Variants in TRIM71 observed in about 807,000 individuals in gnomAD.
TRIM71 encodes the protein tripartite motif containing 71.
In TRIM71, 9 loss-of-function variants were observed where a neutral mutation model predicts 61.2. The ratio of observed to expected loss-of-function variants is 0.15; its 90% CI spans 0.09 to 0.26. The LOEUF (loss-of-function observed/expected upper bound fraction) is 0.26, where lower values mean the gene tolerates loss of function less well. TRIM71 is among the 10% of genes least tolerant of loss of function. The pLI is 1.00. For synonymous variants in TRIM71, 645 were observed against 553.2 expected (o/e 1.17, Z -2.33); for missense variants, 998 against 1,238.7 (o/e 0.81, Z 2.92).
intron 1 of TRIM71, among the ~76,000 whole-genome samples, chr3:32,829,626 T>TTGTGCG (rs1553643446): frequency 6.7e-6 from 1 of 148,680 alleles, no homozygotes; most frequent in Non-Finnish European, 1.5e-5. Flanking sequence ...TGTCATGGTA[T>TTGTGCG]TGTGTGTGTG....
At chr3:32,840,386 C>G (rs747289408) in intron 1 of TRIM71, among the ~76,000 whole-genome samples, 30 of 152,190 alleles carry the variant, frequency 2.0e-4, no homozygotes, top group African/African-American at 7.2e-4. Flanking sequence ...ACAGTAAAAG[C>G]CAGTACATAA....
chr3:32,867,433 G>C (rs1279293930), intron 1 of TRIM71, among the ~76,000 whole-genome samples: 1 of 152,216 alleles, frequency 6.6e-6, no homozygotes, highest in East Asian at 1.9e-4. Context: ...AAATTTGTGT[G>C]TGTGTGTATG....
At position 32,892,948 on chromosome 3, in the gene TRIM71, C is replaced by T. The variant is rs943293136; in HGVS notation, c.*1137C>T. The T allele has an allele frequency of 1.3e-5, 2 of 152,154 alleles. No homozygotes were observed. The highest frequency in any genetic ancestry group is 2.1e-4 in the South Asian group (1 of 4,816). 9.4% of individuals were successfully genotyped at this position (152,154 alleles called of 1,614,324 possible). A position where few individuals can be genotyped will look rare whatever the true frequency, so the allele number is the denominator to read the frequency against. ...AGAAAGGGCAGGGTCTGCCCTGACC[C>T]GCGAGTGCATGTTGTTCTGTAGTGC... is the stretch of plus-strand genomic sequence containing the variant. On this transcript the variant is annotated 3_prime_UTR_variant, in exon 4 of 4. Transcript: ENST00000383763.
intron 1 of TRIM71, among the ~76,000 whole-genome samples, chr3:32,839,946 G>C (rs1397010411): frequency 6.6e-6 from 1 of 152,170 alleles, no homozygotes; most frequent in Admixed American, 6.5e-5. Context: ...CTGGCGATTA[G>C]AACTGTATCT....
chr3:32,840,748 G>T (rs997564531), intron 1 of TRIM71, among the ~76,000 whole-genome samples: 1 of 151,782 alleles, frequency 6.6e-6, no homozygotes, highest in Non-Finnish European at 1.5e-5. Context: ...CTGCCTCCTG[G>T]AATGTTGATC....
At position 32,873,953 on chromosome 3, in the gene TRIM71, G is replaced by A. The variant is rs774281761; in HGVS notation, c.988G>A (p.Ala330Thr). The change falls in exon 2 of 4, where the codon GCA becomes ACA. Residue 330 changes from alanine (A) to threonine (T), a missense_variant. By Grantham distance (58) the Ala-to-Thr change is moderately conservative (BLOSUM62 0). Around this residue, in one of 5 missense-constraint regions of TRIM71, gnomAD observed 291 missense variants for 431.2 expected, o/e 0.67. Transcript: ENST00000383763. ...DSRALTIQLL[A>T]DAQQGRQAIQ... is the part of the protein sequence containing the mutation. ...ACGGGCACTCACCATCCAGCTGCTG[G>A]CAGATGCCCAGCAGGGACGACAGGC... The A allele has an allele frequency of 6.2e-7, 1 of 1,613,062 alleles. No individual in the cohort carries two copies.
intron 1 of TRIM71, among the ~76,000 whole-genome samples, chr3:32,866,531 C>CT (rs1696738617): frequency 6.6e-6 from 1 of 152,134 alleles, no homozygotes; most frequent in African/African-American, 2.4e-5. Flanking sequence ...CTGATCAATG[C>CT]TTTGTGTTTT....
intron 1 of TRIM71, among the ~76,000 whole-genome samples, chr3:32,857,632 C>A (rs1268198107): frequency 6.6e-6 from 1 of 152,078 alleles, no homozygotes; most frequent in Non-Finnish European, 1.5e-5. Flanking sequence ...GTATTATGTG[C>A]TGCTATATTC....
intron 1 of TRIM71, among the ~76,000 whole-genome samples, chr3:32,855,791 T>A (rs1054614693): frequency 6.6e-6 from 1 of 152,108 alleles, no homozygotes; most frequent in East Asian, 1.9e-4. Context: ...GGATGCCCTA[T>A]GTGGTACACA....
intron 1 of TRIM71, among the ~76,000 whole-genome samples, chr3:32,856,358 GCCCCCCCATCCC>G (rs1696604412): frequency 1.3e-5 from 2 of 150,896 alleles, no homozygotes; most frequent in African/African-American, 4.9e-5. Context: ...CCGCTCCCCT[GCCCCCCCATCCC>G]TACTTGCACT....
Position 32,885,992 on chromosome 3 carries a change from T to C in TRIM71, c.1079T>C (p.Val360Ala). 1 of 1,614,186 alleles carries C rather than the reference T, an allele frequency of 6.2e-7. No individual in the cohort carries two copies. Among genetic ancestry groups the C allele is most frequent in the East Asian group, 2.2e-5 (1 of 44,884 alleles). ...CAGGTGGAGATGAAGGCGAAGGTTG[T>C]GCAGTCGGAGGTCAAAGCCGTGACG... ...AEQVEMKAKVVQSEVKAVTAR... is the reference protein window; with the variant it reads ...AEQVEMKAKVAQSEVKAVTAR... Residue 360 changes from valine to alanine, a missense_variant, in exon 3 of 4, where the codon GTG becomes GCG. By Grantham distance (64) the Val-to-Ala change is moderately conservative. Transcript: ENST00000383763.
intron 1 of TRIM71, among the ~76,000 whole-genome samples, chr3:32,863,888 G>T (rs890401786): frequency 6.6e-6 from 1 of 152,046 alleles, no homozygotes; most frequent in Non-Finnish European, 1.5e-5. Context: ...CACTATGTTG[G>T]CCAGGCTGGT....
chr3:32,855,901 A>G (rs138404400), intron 1 of TRIM71, among the ~76,000 whole-genome samples: 1 of 152,252 alleles, frequency 6.6e-6, no homozygotes, highest in African/African-American at 2.4e-5. Context: ...GGCCTCTCCT[A>G]CAGGCACCAT....
At chr3:32,825,751 C>T (rs1330901699) in intron 1 of TRIM71, among the ~76,000 whole-genome samples, 1 of 152,150 alleles carries the variant, frequency 6.6e-6, no homozygotes, top group Non-Finnish European at 1.5e-5. Flanking sequence ...AGATGCCACC[C>T]ATTGAAGCCT....
chr3:32,823,044 T>C (rs1199688900), intron 1 of TRIM71, among the ~76,000 whole-genome samples: 5 of 152,250 alleles, frequency 3.3e-5, no homozygotes, highest in Non-Finnish European at 7.3e-5. Context: ...ACTGGGTGAA[T>C]ATGTCCTCTG....
chr3:32,837,313 T>A (rs757421986), intron 1 of TRIM71, among the ~76,000 whole-genome samples: 1 of 152,218 alleles, frequency 6.6e-6, no homozygotes, highest in East Asian at 1.9e-4. Context: ...AATCAAGATA[T>A]AGGACATTTC....
intron 3 of TRIM71, among the ~76,000 whole-genome samples, chr3:32,889,016 C>G (rs1394066883): frequency 6.6e-6 from 1 of 152,184 alleles, no homozygotes. Context: ...CCTCAGTGCT[C>G]TTTGTCTGTA....
rs140517970 is a variant in TRIM71 at position 32,838,581 on chromosome 3, C to T, written c.852+19649C>T. Among the ~76,000 whole-genome samples, 27 of 147,602 alleles carry T rather than the reference C, an allele frequency of 1.8e-4. No individual in the cohort carries two copies. In the East Asian group the frequency reaches 4.1e-3, roughly 22 times the overall value. The stretch of plus-strand genomic sequence containing the variant: ...GGGCATGCAGTGGAGAAGTGAAGTC[C>T]TAACGCAGAATGCCAGTTTCTGTGT... On this transcript the variant is annotated intron_variant, in intron 1 of 3. Coordinates refer to ENST00000383763, the MANE Select transcript of TRIM71 (RefSeq NM_001039111.3).
At chr3:32,839,488 C>G (rs545618709) in intron 1 of TRIM71, among the ~76,000 whole-genome samples, 1 of 152,186 alleles carries the variant, frequency 6.6e-6, no homozygotes, top group South Asian at 2.1e-4. Flanking sequence ...CCTTGGCCTC[C>G]CAAAGTGCTG....
Sources: allele counts gnomAD v4.1 joint callset (sites outside exome capture counted in the v4.1 genomes callset), GRCh38; gene constraint gnomAD v4.1.1; regional missense constraint gnomAD v4.1.1; transcripts MANE v1.5; gene names NCBI Gene and HGNC (gene_info 2026-07-23, HGNC 2026-07-21).